Variants in HDAC8 observed in about 807,000 individuals in gnomAD.
HDAC8 encodes histone deacetylase 8.
In HDAC8, 1 loss-of-function variant was observed where a neutral mutation model predicts 32.2. That is an observed-to-expected ratio of 0.03 (90% CI 0.01 to 0.15). The LOEUF (loss-of-function observed/expected upper bound fraction) is 0.15, where lower values mean the gene tolerates loss of function less well. Ranked by LOEUF, HDAC8 falls within the 10% of genes least tolerant of loss-of-function variation. The pLI, the probability that HDAC8 is intolerant of heterozygous loss-of-function variation, is 1.00. For missense variants in HDAC8, 117 were observed against 300.0 expected (o/e 0.39, Z 4.51); for synonymous variants, 108 against 113.9 (o/e 0.95, Z 0.33).
intron 4 of HDAC8, among the ~76,000 whole-genome samples, chrX:72,545,838 C>T (rs1174857922): frequency 1.8e-5 from 2 of 112,108 alleles, no homozygotes; most frequent in African/African-American, 6.5e-5. Flanking sequence ...ACATGCCCCC[C>T]ACAGGTAAGG....
chrX:72,481,773 C>T (rs1015047504), intron 7 of HDAC8, among the ~76,000 whole-genome samples: 3 of 109,089 alleles, frequency 2.8e-5, no homozygotes, highest in Non-Finnish European at 5.7e-5. Flanking sequence ...CCACACCTAG[C>T]TAATTTTTGT....
At chrX:72,423,163 A>G (rs1422912078) in intron 9 of HDAC8, among the ~76,000 whole-genome samples, 1 of 111,827 alleles carries the variant, frequency 8.9e-6, no homozygotes, top group African/African-American at 3.3e-5. Context: ...CCTAGTGGGC[A>G]TCACACATAG....
chrX:72,569,010 G>A, intron 2 of HDAC8, 126 bp from the exon 3 acceptor site: 1 of 666,340 alleles, frequency 1.5e-6, no homozygotes, highest in South Asian at 2.9e-5. Context: ...ATAGGCTGGA[G>A]TAATAAACAT....
At chrX:72,423,935 G>C (rs782112587) in intron 9 of HDAC8, among the ~76,000 whole-genome samples, 2 of 111,863 alleles carry the variant, frequency 1.8e-5, no homozygotes, top group South Asian at 7.5e-4. Context: ...CTGCATTGGA[G>C]CATCTGTTTC....
chrX:72,351,483 C>G (rs1437632070), intron 10 of HDAC8, among the ~76,000 whole-genome samples: 1 of 112,115 alleles, frequency 8.9e-6, no homozygotes, highest in Non-Finnish European at 1.9e-5. Context: ...GCTGATTTTC[C>G]CCTGGCAGTG....
Position 72,426,999 on chromosome X carries a change from C to G in HDAC8, c.1005+35005G>C, listed in dbSNP as rs186450929. On this transcript the variant is annotated intron_variant, in intron 9 of 10. Coordinates refer to ENST00000373573, the MANE Select transcript of HDAC8 (RefSeq NM_018486.3). ...GAAGGAAGCGAGCCCTCACCAGAAA[C>G]TGTGAACGCTGCCAGACCTTTATCT... Among the ~76,000 whole-genome samples the G allele has an allele frequency of 2.9e-3, 315 of 110,329 alleles. 1 individual carries two copies. The highest frequency in any genetic ancestry group is 0.01 in the African/African-American group (310 of 30,461).
chrX:72,461,741 A>C (rs1218900256), intron 9 of HDAC8, among the ~76,000 whole-genome samples: 1 of 112,129 alleles, frequency 8.9e-6, no homozygotes, highest in East Asian at 2.8e-4. Context: ...TTGTGTGAAC[A>C]GGTGACCCCT....
At chrX:72,437,466 G>A (rs2046985550) in intron 9 of HDAC8, among the ~76,000 whole-genome samples, 1 of 110,632 alleles carries the variant, frequency 9.0e-6, no homozygotes, top group African/African-American at 3.3e-5. Flanking sequence ...ATACTCCAGT[G>A]GCACCTGGAA....
chrX:72,337,319 T>C (rs782492668), intron 10 of HDAC8, among the ~76,000 whole-genome samples: 5 of 112,129 alleles, frequency 4.5e-5, no homozygotes, highest in Non-Finnish European at 7.5e-5. Context: ...ATATGTCTAG[T>C]GCAAGTGAGG....
chrX:72,475,918 AT>A (rs1556000353), intron 7 of HDAC8, among the ~76,000 whole-genome samples: 1 of 111,595 alleles, frequency 9.0e-6, no homozygotes, highest in East Asian at 2.8e-4. Flanking sequence ...TTAAAGGGGC[AT>A]CTTTTCTCTC....
At chrX:72,443,395 T>C (rs1290303584) in intron 9 of HDAC8, among the ~76,000 whole-genome samples, 1 of 110,361 alleles carries the variant, frequency 9.1e-6, no homozygotes, top group African/African-American at 3.3e-5. Flanking sequence ...TCAAAACCGC[T>C]CAACTACATG....
intron 9 of HDAC8, chrX:72,376,876 A>C (rs1335769178): frequency 9.0e-6 from 1 of 111,130 alleles, no homozygotes; most frequent in Non-Finnish European, 1.9e-5. Flanking sequence ...CATTCATTGC[A>C]CTCCATAAGT....
chrX:72,396,519 T>G (rs2045767731), intron 9 of HDAC8, among the ~76,000 whole-genome samples: 2 of 112,556 alleles, frequency 1.8e-5, no homozygotes, highest in East Asian at 2.8e-4. Context: ...AGTGTATATA[T>G]TTATGGTATA....
chrX:72,460,160 G>A (rs1555991157), intron 9 of HDAC8, among the ~76,000 whole-genome samples: 1 of 110,155 alleles, frequency 9.1e-6, no homozygotes, highest in African/African-American at 3.3e-5. Context: ...TTTTTGAGAC[G>A]GAGTGTCACA....
At chrX:72,446,577 C>T (rs180850115) in intron 9 of HDAC8, among the ~76,000 whole-genome samples, 200 of 110,595 alleles carry the variant, frequency 1.8e-3, no homozygotes, top group African/African-American at 6.2e-3. Flanking sequence ...GGAGATATAC[C>T]TAATGCTAAA....
intron 4 of HDAC8, among the ~76,000 whole-genome samples, chrX:72,500,178 C>T (rs2049161842): frequency 9.0e-6 from 1 of 111,670 alleles, no homozygotes; most frequent in Non-Finnish European, 1.9e-5. Context: ...TTGATAGATT[C>T]ACAGCCAAAT....
At chrX:72,344,687 G>A (rs781868663) in intron 10 of HDAC8, among the ~76,000 whole-genome samples, 3 of 111,185 alleles carry the variant, frequency 2.7e-5, no homozygotes, top group Non-Finnish European at 3.8e-5. Flanking sequence ...CATTTCAGTC[G>A]GTATCCAGGC....
chrX:72,383,811 A>G (rs1285330292), intron 9 of HDAC8, among the ~76,000 whole-genome samples: 1 of 101,286 alleles, frequency 9.9e-6, no homozygotes, highest in African/African-American at 3.7e-5. Context: ...CGGAGCTTGC[A>G]GTGAGCCAAG....
chrX:72,527,836 C>T (rs1381659018), intron 4 of HDAC8, among the ~76,000 whole-genome samples: 1 of 100,215 alleles, frequency 1.0e-5, no homozygotes, highest in African/African-American at 3.8e-5. Context: ...AGTGCAATGG[C>T]ATGATCTCGG....
Sources: allele counts gnomAD v4.1 joint callset (sites outside exome capture counted in the v4.1 genomes callset), GRCh38; gene constraint gnomAD v4.1.1; transcripts MANE v1.5; gene names NCBI Gene and HGNC (gene_info 2026-07-23, HGNC 2026-07-21).